The following SPATA17 variants were observed in gnomAD, a reference collection of about 807,000 sequenced individuals.
SPATA17 encodes the protein spermatogenesis associated 17.
Under a neutral mutation model 62.2 loss-of-function variants are expected in SPATA17, and 53 were observed. The ratio of observed to expected loss-of-function variants is 0.85; its 90% CI spans 0.68 to 1.07. The LOEUF (loss-of-function observed/expected upper bound fraction) is 1.07, where lower values mean the gene tolerates loss of function less well. Among genes scored for constraint, SPATA17 ranks in the 50% least tolerant of loss-of-function variants. The pLI, the probability that SPATA17 is intolerant of heterozygous loss-of-function variation, is 0.00. For synonymous variants in SPATA17, 146 were observed against 146.8 expected, an observed-to-expected ratio of 0.99 and a Z score of 0.04; for missense variants, 466 against 425.5, an observed-to-expected ratio of 1.10 and a Z score of -0.84.
At chr1:217,828,470 A>G (rs1675052348) in intron 9 of SPATA17, among the ~76,000 whole-genome samples, 1 of 96,344 alleles carries the variant, frequency 1.0e-5, no homozygotes, top group African/African-American at 2.9e-5. Context: ...ATTTATACAA[A>G]TCCTAGAAGA....
chr1:217,664,289 C>CTTTTT (rs34166363), intron 3 of SPATA17, among the ~76,000 whole-genome samples: 5 of 75,794 alleles, frequency 6.6e-5, no homozygotes, highest in South Asian at 4.8e-4. Context: ...TGTTAAAAAT[C>CTTTTT]TTTTTTTTTT....
chr1:217,815,458 G>A (rs1674690713), intron 9 of SPATA17, among the ~76,000 whole-genome samples: 2 of 152,090 alleles, frequency 1.3e-5, no homozygotes, highest in South Asian at 4.1e-4. Flanking sequence ...CTGCCACTGA[G>A]ATGAACATTT....
intron 8 of SPATA17, among the ~76,000 whole-genome samples, chr1:217,783,157 C>A (rs1673772560): frequency 6.7e-6 from 1 of 150,216 alleles, no homozygotes; most frequent in Admixed American, 6.7e-5. Flanking sequence ...TAATCATGTG[C>A]TAATTGTTAC....
intron 9 of SPATA17, among the ~76,000 whole-genome samples, chr1:217,862,308 C>T (rs1490216827): frequency 2.0e-5 from 3 of 152,166 alleles, no homozygotes; most frequent in African/African-American, 7.2e-5. Flanking sequence ...CCTCTTCCTT[C>T]TGGAGTCCTT....
At chr1:217,650,290 T>C (rs1158736783) in intron 2 of SPATA17, among the ~76,000 whole-genome samples, 3 of 151,932 alleles carry the variant, frequency 2.0e-5, no homozygotes, top group Non-Finnish European at 4.4e-5. Context: ...TGGTGGCAAA[T>C]AGAGTATTTT....
intron 9 of SPATA17, among the ~76,000 whole-genome samples, chr1:217,804,227 A>T (rs1674379674): frequency 6.6e-6 from 1 of 152,208 alleles, no homozygotes; most frequent in East Asian, 1.9e-4. Context: ...ATGGAATAGG[A>T]TACAGAACCC....
chr1:217,823,523 T>C (rs1164955180), intron 9 of SPATA17, among the ~76,000 whole-genome samples: 2 of 151,970 alleles, frequency 1.3e-5, no homozygotes, highest in African/African-American at 4.8e-5. Flanking sequence ...GACAAGGAAA[T>C]GCCATGGGAA....
At chr1:217,682,331 A>G (rs1422987411) in intron 4 of SPATA17, among the ~76,000 whole-genome samples, 2 of 151,654 alleles carry the variant, frequency 1.3e-5, no homozygotes, top group Admixed American at 6.6e-5. Context: ...TGACTTAGGT[A>G]TGGTCTCTCA....
intron 1 of SPATA17, among the ~76,000 whole-genome samples, chr1:217,636,743 T>C (rs775506743): frequency 2.6e-5 from 4 of 152,198 alleles, no homozygotes; most frequent in Admixed American, 2.0e-4. Context: ...TGTTTTTAAG[T>C]TGGATAAAGC....
At chr1:217,783,054 CATT>C (rs1325097478) in intron 8 of SPATA17, among the ~76,000 whole-genome samples, 1 of 150,606 alleles carries the variant, frequency 6.6e-6, no homozygotes, top group Non-Finnish European at 1.5e-5. Flanking sequence ...CTAAGTAAGA[CATT>C]ATTACATTAT....
At position 217,868,197 on chromosome 1, in the gene SPATA17, A is replaced by T. The variant is rs1676056369; in HGVS notation, c.*1178A>T. ...TGGATATTGGTGGTATAAAAGAATT[A>T]TTGGTTTTTTTTAGGTGTCATGGTA... On this transcript the variant is annotated 3_prime_UTR_variant, in exon 11 of 11. Transcript: ENST00000366933. 1 of 152,176 alleles carries T rather than the reference A, an allele frequency of 6.6e-6. No homozygotes were observed. The highest frequency in any genetic ancestry group is 2.4e-5 in the African/African-American group (1 of 41,448). 9.4% of individuals were successfully genotyped at this position (152,176 alleles called of 1,614,324 possible). A position where few individuals can be genotyped will look rare whatever the true frequency, so the allele number is the denominator to read the frequency against.
chr1:217,633,355 T>C (rs1467371222), intron 1 of SPATA17, among the ~76,000 whole-genome samples: 1 of 152,124 alleles, frequency 6.6e-6, no homozygotes, highest in Non-Finnish European at 1.5e-5. Context: ...GTTATCACAA[T>C]GTTATAAGTT....
chr1:217,721,059 A>G (rs1218884420), intron 5 of SPATA17, among the ~76,000 whole-genome samples: 1 of 152,212 alleles, frequency 6.6e-6, no homozygotes, highest in Non-Finnish European at 1.5e-5. Flanking sequence ...ATTTATAGAT[A>G]AGGCATCACA....
At chr1:217,725,061 A>G (rs1337966290) in intron 5 of SPATA17, among the ~76,000 whole-genome samples, 1 of 152,020 alleles carries the variant, frequency 6.6e-6, no homozygotes, top group Non-Finnish European at 1.5e-5. Flanking sequence ...AGTCATCCAT[A>G]TTTTCTTTTG....
intron 1 of SPATA17, among the ~76,000 whole-genome samples, chr1:217,639,344 G>A (rs1284111550): frequency 1.3e-5 from 2 of 151,984 alleles, no homozygotes; most frequent in East Asian, 1.9e-4. Context: ...ATTCATTTGG[G>A]GATTGGGATG....
intron 9 of SPATA17, among the ~76,000 whole-genome samples, chr1:217,850,011 C>A (rs962598297): frequency 6.6e-6 from 1 of 152,006 alleles, no homozygotes; most frequent in African/African-American, 2.4e-5. Flanking sequence ...AATTTGGGGT[C>A]GCTGCTGTCT....
intron 3 of SPATA17, among the ~76,000 whole-genome samples, chr1:217,653,859 A>G (rs1380355628): frequency 6.6e-6 from 1 of 152,208 alleles, no homozygotes; most frequent in Non-Finnish European, 1.5e-5. Flanking sequence ...ATAAAACCAA[A>G]GAATTCCATT....
chr1:217,664,857 A>G (rs1475650557), intron 3 of SPATA17, among the ~76,000 whole-genome samples: 1 of 152,152 alleles, frequency 6.6e-6, no homozygotes, highest in African/African-American at 2.4e-5. Flanking sequence ...CACTCGTAGT[A>G]GGGAAGAAAA....
chr1:217,853,301 A>T (rs890855289), intron 9 of SPATA17, among the ~76,000 whole-genome samples: 4 of 152,174 alleles, frequency 2.6e-5, no homozygotes, highest in African/African-American at 9.7e-5. Context: ...CTTAAATGAA[A>T]ATTATTTCAT....
Sources: gnomAD v4.1 joint callset for allele counts (sites outside exome capture counted in the v4.1 genomes callset) on GRCh38, gnomAD v4.1.1 for gene constraint, MANE v1.5 for transcripts, NCBI Gene and HGNC (gene_info 2026-07-23, HGNC 2026-07-21) for gene names.